The following PREP variants were observed in gnomAD, a reference collection of about 807,000 sequenced individuals.
PREP encodes the protein prolyl endopeptidase, also known as dJ355L5.1 (prolyl endopeptidase).
PREP carries 29 observed loss-of-function variants against 87.6 expected under a neutral mutation model. The observed-to-expected ratio is 0.33, with a 90% CI of 0.25 to 0.45. The LOEUF is 0.45. Among genes scored for constraint, PREP ranks in the 20% least tolerant of loss-of-function variants. PREP has a pLI of 1.00. For missense variants in PREP, 695 were observed against 886.5 expected (o/e 0.78, Z 2.74); for synonymous variants, 337 against 328.6 (o/e 1.03, Z -0.28).
chr6:105,319,087 A>AAGAT (rs1770943087), intron 10 of PREP, among the ~76,000 whole-genome samples: 1 of 152,242 alleles, frequency 6.6e-6, no homozygotes, highest in Non-Finnish European at 1.5e-5. Flanking sequence ...GGTAAAGCCA[A>AAGAT]AGATTCTTCT....
rs1051839975 is a variant in PREP, at chr6:105,353,044, T to C, written c.751A>G (p.Ile251Val). The change falls in exon 7 of 15, where the codon ATA (isoleucine) becomes GTA (valine). Residue 251 changes from isoleucine to valine, a missense_variant. Physicochemically the swap from Ile to Val is conservative, Grantham distance 29 (BLOSUM62 3). Around this residue, in one of 5 missense-constraint regions of PREP, gnomAD observed 517 missense variants for 620.3 expected, o/e 0.83. Coordinates refer to ENST00000652536, the MANE Select transcript of PREP (RefSeq NM_002726.5). The stretch of plus-strand genomic sequence containing the variant: ...TTTACTGGATCACATCCTTCCCTTA[T>C]TGATAACAAGACATAGCGGCCATCA... ...SDDGRYVLLS[I>V]REGCDPVNRL... 2 of 1,613,982 alleles carry C rather than the reference T, an allele frequency of 1.2e-6. No individual in the cohort carries two copies. Among genetic ancestry groups the C allele is most frequent in the East Asian group, 2.2e-5 (1 of 44,870 alleles).
intron 6 of PREP, among the ~76,000 whole-genome samples, chr6:105,362,646 G>A (rs1336381501): frequency 6.6e-6 from 1 of 152,168 alleles, no homozygotes; most frequent in Non-Finnish European, 1.5e-5. Flanking sequence ...TCTCTAGCTT[G>A]GCTTTCTGAC....
intron 1 of PREP, among the ~76,000 whole-genome samples, chr6:105,402,533 C>A (rs944716893): frequency 2.0e-5 from 3 of 152,098 alleles, no homozygotes; most frequent in Non-Finnish European, 4.4e-5. Flanking sequence ...GCAGTGACAC[C>A]GTCTGTCTTC....
intron 7 of PREP, among the ~76,000 whole-genome samples, chr6:105,340,171 C>A (rs1771601279): frequency 6.6e-6 from 1 of 152,092 alleles, no homozygotes; most frequent in Non-Finnish European, 1.5e-5. Context: ...AAAGGGAAGC[C>A]CATCAGACTA....
chr6:105,360,249 A>G (rs531896135), intron 6 of PREP, among the ~76,000 whole-genome samples: 12 of 152,330 alleles, frequency 7.9e-5, no homozygotes, highest in African/African-American at 2.9e-4. Context: ...GTGAACTCCC[A>G]ACCTCTCTCA....
At chr6:105,296,041 A>G (rs1179115196) in intron 10 of PREP, among the ~76,000 whole-genome samples, 1 of 152,228 alleles carries the variant, frequency 6.6e-6, no homozygotes, top group Non-Finnish European at 1.5e-5. Context: ...CGTGCACCCA[A>G]AAATTCAATA....
At chr6:105,368,004 T>C (rs1303106084) in intron 6 of PREP, among the ~76,000 whole-genome samples, 2 of 152,192 alleles carry the variant, frequency 1.3e-5, no homozygotes, top group Non-Finnish European at 2.9e-5. Flanking sequence ...CAATTTGGAA[T>C]ACGGAAGATC....
At chr6:105,374,651 T>C (rs1772641821) in intron 4 of PREP, among the ~76,000 whole-genome samples, 1 of 7,964 alleles carries the variant, frequency 1.3e-4, no homozygotes, top group Non-Finnish European at 2.1e-4. Flanking sequence ...TATATATATA[T>C]ATATATATAT....
chr6:105,389,324 T>C (rs1773081318), intron 2 of PREP, among the ~76,000 whole-genome samples: 1 of 152,200 alleles, frequency 6.6e-6, no homozygotes, highest in Non-Finnish European at 1.5e-5. Flanking sequence ...GGTAGCTTGC[T>C]ACGGTCATAG....
In PREP at chr6:105,376,308, TAAAACCAAACACACACAAGCA is replaced by T. The variant is rs1772685636; in HGVS notation, c.255-74_255-54del. 5 of 1,574,826 alleles carry T rather than the reference TAAAACCAAACACACACAAGCA, an allele frequency of 3.2e-6. No homozygotes were observed. In the African/African-American group the frequency reaches 5.5e-5, roughly 17 times the overall value. ...GCTGTGGAGTTTTCTATTTGTGGAG[TAAAACCAAACACACACAAGCA>T]AAAACCAAAACAAAACCAAAGACCT... On this transcript the variant is annotated intron_variant, in intron 3 of 14. Transcript: ENST00000652536.
intron 10 of PREP, 87 bp from the exon 11 acceptor site, chr6:105,288,981 C>T: frequency 7.4e-7 from 1 of 1,348,872 alleles, no homozygotes; most frequent in South Asian, 1.3e-5. Flanking sequence ...TAAATTCTCT[C>T]TTCATGATGT....
Position 105,281,874 on chromosome 6 carries a change from G to T in PREP, c.1710C>A (p.Leu570=), listed in dbSNP as rs770429535. Residue 570 remains leucine (L), a synonymous_variant, in exon 14 of 15, where the codon CTC becomes CTA. Coordinates refer to ENST00000652536, the MANE Select transcript of PREP (RefSeq NM_002726.5). The part of the protein sequence containing the change: ...VAACANQRPD[L]FGCVIAQVGV... Reference sequence around the variant, plus strand: ...CAACTTGGGCAATAACACAACCAAAGAGGTCAGGTCTCTGATTTGCACAAG... The same window carrying T: ...CAACTTGGGCAATAACACAACCAAATAGGTCAGGTCTCTGATTTGCACAAG... 1 of 1,614,166 alleles carries T rather than the reference G, an allele frequency of 6.2e-7. No homozygotes were observed. Among genetic ancestry groups the T allele is most frequent in the East Asian group, 2.2e-5 (1 of 44,876 alleles).
intron 10 of PREP, among the ~76,000 whole-genome samples, chr6:105,299,900 CT>C (rs199769252): frequency 0.15 from 21,664 of 143,040 alleles, 2,203 homozygotes; most frequent in African/African-American, 0.31. Flanking sequence ...TGCTTCTCTG[CT>C]TTTTTTTTTT....
rs958770796 is a variant in PREP at position 105,278,553 on chromosome 6, C to T, written c.1839-115G>A. The T allele has an allele frequency of 1.0e-4, 109 of 1,076,008 alleles. No homozygotes were observed. The East Asian group carries it at 2.6e-3, about 26-fold the overall frequency. 66.7% of individuals were successfully genotyped at this position (1,076,008 alleles called of 1,614,324 possible). A position where few individuals can be genotyped will look rare whatever the true frequency, so the allele number is the denominator to read the frequency against. On this transcript the variant is annotated intron_variant, in intron 14 of 14. Coordinates refer to ENST00000652536, the MANE Select transcript of PREP (RefSeq NM_002726.5). This position sits in a 1 kb window ranked among gnomAD's most constrained non-coding sequence, Gnocchi z 4.2. ...TGCAGTTAACTAGTACGTGAGTGAC[C>T]ACCATGGACTGTGCCTATGCGTTAC...
intron 1 of PREP, among the ~76,000 whole-genome samples, chr6:105,402,358 C>T (rs1562233005): frequency 6.6e-6 from 1 of 151,984 alleles, no homozygotes; most frequent in Non-Finnish European, 1.5e-5. Flanking sequence ...GAATATGCTT[C>T]AACTCTAAGG....
intron 14 of PREP, among the ~76,000 whole-genome samples, chr6:105,280,457 T>C (rs961849789): frequency 6.6e-6 from 1 of 152,244 alleles, no homozygotes; most frequent in Non-Finnish European, 1.5e-5. Context: ...AAAGAAGTTT[T>C]AATGTCTGTT....
At chr6:105,344,138 T>G (rs1408979892) in intron 7 of PREP, among the ~76,000 whole-genome samples, 1 of 152,172 alleles carries the variant, frequency 6.6e-6, no homozygotes, top group Non-Finnish European at 1.5e-5. Context: ...CCATCAATGA[T>G]AGACTGGATT....
intron 8 of PREP, 127 bp from the exon 9 acceptor site, chr6:105,329,153 A>G: frequency 1.1e-6 from 1 of 925,794 alleles, no homozygotes; most frequent in South Asian, 1.7e-5. Context: ...AGTCACTTTT[A>G]CATTTTTTTT....
intron 14 of PREP, among the ~76,000 whole-genome samples, chr6:105,280,120 C>T (rs1464016482): frequency 6.6e-6 from 1 of 152,072 alleles, no homozygotes; most frequent in Non-Finnish European, 1.5e-5. Context: ...AAAAAGCAAA[C>T]AAAATGAAAG....
Sources: allele counts gnomAD v4.1 joint callset (sites outside exome capture counted in the v4.1 genomes callset), GRCh38; gene constraint gnomAD v4.1.1; regional missense constraint gnomAD v4.1.1; non-coding constraint Gnocchi (gnomAD v3.1); transcripts MANE v1.5; gene names NCBI Gene and HGNC (gene_info 2026-07-23, HGNC 2026-07-21).